The following XG variants were observed in gnomAD, a reference collection of about 807,000 sequenced individuals.
The protein encoded by XG is glycoprotein Xg.
XG carries 24 observed loss-of-function variants against 25.7 expected under a neutral mutation model. The ratio of observed to expected loss-of-function variants is 0.93; its 90% CI spans 0.68 to 1.31. The LOEUF (loss-of-function observed/expected upper bound fraction) is 1.31. Among genes scored for constraint, XG ranks in the 40% most tolerant of loss-of-function variants. XG has a pLI of 0.00. For synonymous variants in XG, 77 were observed against 69.2 expected, an observed-to-expected ratio of 1.11 and a Z score of -0.56; for missense variants, 181 against 187.6, an observed-to-expected ratio of 0.96 and a Z score of 0.21.
rs2050429594 is a variant in XG at position 2,756,132 on chromosome X, G to A, written c.61+3797G>A. Among the ~76,000 whole-genome samples, 3 of 152,192 alleles carry A rather than the reference G, an allele frequency of 2.0e-5. No individual in the cohort carries two copies. The South Asian group carries it at 6.2e-4, about 32-fold the overall frequency. The stretch of plus-strand genomic sequence containing the variant: ...ATTATCAATACAAAAGAAGATAATA[G>A]CAAGACGGCCATATTCCTAATAGAG... On this transcript the variant is annotated intron_variant, in intron 1 of 10. Coordinates refer to ENST00000644266, the MANE Select transcript of XG (RefSeq NM_001141919.2).
At position 2,807,857 on chromosome X, in the gene XG, C is replaced by T. The variant is rs150956148; in HGVS notation, c.419-328C>T. Among the ~76,000 whole-genome samples the T allele has an allele frequency of 5.3e-3, 585 of 111,127 alleles. 3 individuals are homozygous for T. The highest frequency in any genetic ancestry group is 0.018 in the African/African-American group (550 of 30,468). On this transcript the variant is annotated intron_variant, in intron 8 of 10. Coordinates refer to ENST00000644266, the MANE Select transcript of XG (RefSeq NM_001141919.2). The stretch of plus-strand genomic sequence containing the variant: ...CATGTGCTTGTGTATGAATGGCGTG[C>T]GTGTGTGCATGTGTGTCCATGGGGT...
chrX:2,763,837 A>G (rs73190930), intron 1 of XG, among the ~76,000 whole-genome samples: 16,270 of 152,068 alleles, frequency 0.11, 906 homozygotes, highest in Middle Eastern at 0.16. Flanking sequence ...TCACGCTGCA[A>G]TCCCAATGGC....
intron 2 of XG, among the ~76,000 whole-genome samples, chrX:2,771,191 C>T (rs2050810734): frequency 6.6e-6 from 1 of 152,036 alleles, no homozygotes; most frequent in Admixed American, 6.6e-5. Flanking sequence ...TCATATCCCT[C>T]ATTGTCCCAC....
At chrX:2,758,132 C>T (rs192309195) in intron 1 of XG, among the ~76,000 whole-genome samples, 7 of 152,234 alleles carry the variant, frequency 4.6e-5, no homozygotes, top group Admixed American at 4.6e-4. Flanking sequence ...TGCCCCCTCT[C>T]TCCCTGCCCC....
At chrX:2,766,250 C>T (rs746519233) in intron 1 of XG, among the ~76,000 whole-genome samples, 2 of 152,330 alleles carry the variant, frequency 1.3e-5, no homozygotes, top group African/African-American at 4.8e-5. Context: ...AAGCAATTCT[C>T]CTGCCTCAGC....
intron 1 of XG, among the ~76,000 whole-genome samples, chrX:2,758,889 A>G (rs2050495595): frequency 6.6e-6 from 1 of 152,146 alleles, no homozygotes; most frequent in Non-Finnish European, 1.5e-5. Context: ...ATCTGTCTCT[A>G]TTATATACAC....
At chrX:2,763,641 T>C (rs1295136520) in intron 1 of XG, among the ~76,000 whole-genome samples, 1 of 152,162 alleles carries the variant, frequency 6.6e-6, no homozygotes, top group Non-Finnish European at 1.5e-5. Flanking sequence ...AGCCCCTGCT[T>C]CCAGGTATCC....
rs1179667048 is a variant in XG, at chrX:2,786,260, C to CTTTTTTTTTTTTTT, written c.191-3380_191-3367dup. On this transcript the variant is annotated intron_variant, in intron 4 of 10. Transcript: ENST00000644266. ...CCCCAGCAGCTCCTATCCATGTTGT[C>CTTTTTTTTTTTTTT]TTTTTTTTTTTTTTTTTCAGACAGA... Among the ~76,000 whole-genome samples the CTTTTTTTTTTTTTT allele has an allele frequency of 6.9e-4, 42 of 60,565 alleles. 9 individuals carry two copies. Among genetic ancestry groups the CTTTTTTTTTTTTTT allele is most frequent in the African/African-American group, 1.8e-3 (26 of 14,217 alleles). 52.6% of individuals were successfully genotyped at this position (60,565 alleles called of 115,157 possible).
At chrX:2,790,717 T>C (rs2086829516) in intron 5 of XG, among the ~76,000 whole-genome samples, 1 of 111,533 alleles carries the variant, frequency 9.0e-6, no homozygotes, top group Non-Finnish European at 1.9e-5. Context: ...GGAGAATCGC[T>C]TGAACCCAGG....
At chrX:2,809,356 G>A (rs750235473) in intron 9 of XG, among the ~76,000 whole-genome samples, 16 of 111,625 alleles carry the variant, frequency 1.4e-4, no homozygotes, top group Non-Finnish European at 3.0e-4. Context: ...ATATGTAGGT[G>A]AAGAATGGAC....
chrX:2,759,811 G>C (rs2050522863), intron 1 of XG, among the ~76,000 whole-genome samples: 1 of 152,228 alleles, frequency 6.6e-6, no homozygotes, highest in Non-Finnish European at 1.5e-5. Flanking sequence ...GGCTCTGCCA[G>C]ACACGGCAAA....
At chrX:2,778,258 T>C (rs2051044049) in intron 3 of XG, among the ~76,000 whole-genome samples, 1 of 152,152 alleles carries the variant, frequency 6.6e-6, no homozygotes, top group Non-Finnish European at 1.5e-5. Flanking sequence ...AATAAAGATG[T>C]GGAGCTGGGC....
chrX:2,781,179 A>G (rs1344877903), intron 3 of XG, among the ~76,000 whole-genome samples: 3 of 152,052 alleles, frequency 2.0e-5, no homozygotes, highest in Non-Finnish European at 4.4e-5. Context: ...ACAAAAGCCC[A>G]CCGAGAGTTT....
chrX:2,752,182 A>G lies in XG; in HGVS notation c.-93A>G. On this transcript the variant is annotated 5_prime_UTR_variant, in exon 1 of 11. Transcript: ENST00000644266. ...GCCTCCCTTCCTTCCAAGCTGGGAG[A>G]CCAGAAGTCAACAACAGGAGGGTGG... is the stretch of plus-strand genomic sequence containing the variant. The G allele has an allele frequency of 6.3e-7, 1 of 1,586,876 alleles. No homozygotes were observed. Among genetic ancestry groups the G allele is most frequent in the Non-Finnish European group, 8.6e-7 (1 of 1,163,752 alleles).
At chrX:2,762,767 C>G (rs1476479468) in intron 1 of XG, among the ~76,000 whole-genome samples, 1 of 152,120 alleles carries the variant, frequency 6.6e-6, no homozygotes, top group Non-Finnish European at 1.5e-5. Flanking sequence ...ATTTTTTTTA[C>G]TCTGTGAATC....
intron 1 of XG, among the ~76,000 whole-genome samples, chrX:2,768,746 C>T (rs1417118647): frequency 1.3e-5 from 2 of 152,008 alleles, no homozygotes; most frequent in East Asian, 1.9e-4. Context: ...CCAGCCTAGG[C>T]GACAGAGAGA....
At chrX:2,799,098 T>A (rs1468516569) in intron 7 of XG, among the ~76,000 whole-genome samples, 1 of 110,987 alleles carries the variant, frequency 9.0e-6, no homozygotes, top group Non-Finnish European at 1.9e-5. Context: ...CTTTTTTAAC[T>A]TTGATGTTAG....
chrX:2,796,303 G>C (rs2086885725), intron 6 of XG, among the ~76,000 whole-genome samples: 1 of 106,985 alleles, frequency 9.3e-6, no homozygotes, highest in East Asian at 2.9e-4. Flanking sequence ...TGCATTATTT[G>C]TATAAACACA....
chrX:2,756,416 A>G (rs2050436364), intron 1 of XG, among the ~76,000 whole-genome samples: 1 of 152,220 alleles, frequency 6.6e-6, no homozygotes, highest in South Asian at 2.1e-4. Flanking sequence ...GTTTACAATA[A>G]TCTATTGTAG....
Sources: allele counts gnomAD v4.1 joint callset (sites outside exome capture counted in the v4.1 genomes callset), GRCh38; gene constraint gnomAD v4.1.1; transcripts MANE v1.5; gene names NCBI Gene and HGNC (gene_info 2026-07-23, HGNC 2026-07-21).